Variants in UNC80 observed in about 807,000 individuals in gnomAD.
UNC80 encodes protein unc-80 homolog.
A neutral mutation model predicts 384.6 loss-of-function variants in UNC80; 164 were observed. The ratio of observed to expected loss-of-function variants is 0.43; its 90% CI spans 0.38 to 0.49. UNC80 has a LOEUF of 0.49. Among genes scored for constraint, UNC80 ranks in the 20% least tolerant of loss-of-function variants. The probability of loss-of-function intolerance (pLI) is 0.00; values close to 1 mark genes in which losing one functional copy is unlikely to be tolerated. For synonymous variants in UNC80, 1,486 were observed against 1,527.8 expected (o/e 0.97, Z 0.64); for missense variants, 3,330 against 4,143.0 (o/e 0.80, Z 5.39).
At chr2:209,833,461 A>C (rs2081138126) in intron 16 of UNC80, among the ~76,000 whole-genome samples, 1 of 152,164 alleles carries the variant, frequency 6.6e-6, no homozygotes, top group Non-Finnish European at 1.5e-5. Flanking sequence ...TTCATGTTCA[A>C]ATGGGCTACA....
At chr2:209,966,014 A>G (rs1021518465) in intron 51 of UNC80, among the ~76,000 whole-genome samples, 6 of 151,882 alleles carry the variant, frequency 4.0e-5, no homozygotes, top group Non-Finnish European at 7.4e-5. Flanking sequence ...AAAACTTTCC[A>G]TGTATGGCTG....
At chr2:209,943,347 G>A in intron 44 of UNC80, 33 bp from the exon 45 acceptor site, 1 of 1,550,342 alleles carries the variant, frequency 6.5e-7, no homozygotes, top group Non-Finnish European at 8.7e-7. Flanking sequence ...ACTTCATTAA[G>A]GCATTTTTTG....
At chr2:209,793,420 C>T (rs972897901) in intron 6 of UNC80, among the ~76,000 whole-genome samples, 1 of 152,024 alleles carries the variant, frequency 6.6e-6, no homozygotes, top group African/African-American at 2.4e-5. Context: ...GTGTAACTCT[C>T]CTATAGATAC....
rs1385044471 is a variant in UNC80 at position 209,965,500 on chromosome 2, C to T, written c.7806-1937C>T. Reference sequence around the variant, plus strand: ...TTTTTTTTTTAGACAGAGTCTTGCTCTGTCACCCAGGCTAGAGTGCAGTGG... The same window carrying T: ...TTTTTTTTTTAGACAGAGTCTTGCTTTGTCACCCAGGCTAGAGTGCAGTGG... On this transcript the variant is annotated intron_variant, in intron 51 of 64. Coordinates refer to ENST00000673920, the MANE Select transcript of UNC80 (RefSeq NM_001371986.1). Among the ~76,000 whole-genome samples the T allele has an allele frequency of 6.0e-5, 9 of 151,134 alleles. No homozygotes were observed. In the South Asian group the frequency reaches 6.3e-4, roughly 10 times the overall value.
Position 209,849,466 on chromosome 2 carries a change from A to G in UNC80, c.3470A>G (p.Asp1157Gly), listed in dbSNP as rs2082374193. ...FFKRLGCHSF[D>G]DHLSPNQDGG... ...ACCTTTACAGGTTGCCACAGTTTTG[A>G]TGATCATCTCTCTCCCAACCAAGAT... The change falls in exon 22 of 65, where the codon GAT becomes GGT. Residue 1157 changes from aspartate (D) to glycine (G), a missense_variant. Physicochemically the swap from Asp to Gly is moderately conservative, Grantham distance 94. Around this residue, in one of 8 missense-constraint regions of UNC80, gnomAD observed 801 missense variants for 950.8 expected, o/e 0.84. Transcript: ENST00000673920. 6.4e-7 allele frequency: 1 copy of G among 1,550,852 alleles called. No homozygotes were observed. The highest frequency in any genetic ancestry group is 1.4e-5 in the African/African-American group (1 of 73,068).
intron 7 of UNC80, among the ~76,000 whole-genome samples, chr2:209,809,972 G>C (rs1346336756): frequency 6.6e-6 from 1 of 152,126 alleles, no homozygotes; most frequent in African/African-American, 2.4e-5. Context: ...CCCAGTCAGG[G>C]GACCCTCCCC....
intron 27 of UNC80, 70 bp from the exon 28 acceptor site, chr2:209,896,243 C>G: frequency 7.3e-7 from 1 of 1,367,326 alleles, no homozygotes; most frequent in Non-Finnish European, 1.0e-6. Context: ...GCATGGACAA[C>G]TGTACCATAC....
chr2:209,808,718 G>T (rs1040845339), intron 7 of UNC80: 2 of 226,002 alleles, frequency 8.8e-6, no homozygotes, highest in South Asian at 5.4e-5. Flanking sequence ...CGGAGCGGCT[G>T]CACTCATTGC....
At chr2:209,778,719 G>A (rs1026872148) in intron 4 of UNC80, among the ~76,000 whole-genome samples, 10 of 152,248 alleles carry the variant, frequency 6.6e-5, no homozygotes, top group Admixed American at 3.3e-4. Flanking sequence ...AGAACTATTC[G>A]TTACTTCTGT....
intron 22 of UNC80, among the ~76,000 whole-genome samples, chr2:209,863,964 G>A (rs9973465): frequency 0.16 from 24,465 of 151,708 alleles, 2,594 homozygotes; most frequent in African/African-American, 0.29. Context: ...TCTCATCTTC[G>A]TGAGTTTGTC....
intron 47 of UNC80, among the ~76,000 whole-genome samples, chr2:209,949,238 A>G (rs1413102433): frequency 1.3e-5 from 2 of 152,208 alleles, no homozygotes; most frequent in African/African-American, 2.4e-5. Context: ...AGGTAGCTCT[A>G]TGTCATTCAA....
In UNC80 at chr2:209,973,171, T is replaced by C; in HGVS notation, c.8488T>C (p.Leu2830=). 1 of 1,551,648 alleles carries C rather than the reference T, an allele frequency of 6.4e-7. No individual in the cohort carries two copies. Among genetic ancestry groups the C allele is most frequent in the Non-Finnish European group, 8.7e-7 (1 of 1,147,000 alleles). ...ISTSRSKNFM[L]ESSPAHCSTP... is the part of the protein sequence containing the mutation. ...CACATCCAGGAGCAAGAACTTCATGTTAGAGAGCTCCCCAGCCCACTGCTC... is the reference window on the plus strand; with the variant it reads ...CACATCCAGGAGCAAGAACTTCATGCTAGAGAGCTCCCCAGCCCACTGCTC... Residue 2830 remains leucine, a synonymous_variant, in exon 56 of 65, where the codon TTA becomes CTA. Coordinates refer to ENST00000673920, the MANE Select transcript of UNC80 (RefSeq NM_001371986.1).
rs1233287874 is a variant in UNC80 at position 209,976,777 on chromosome 2, C to T, written c.8773-136C>T. On this transcript the variant is annotated intron_variant, in intron 57 of 64. Transcript: ENST00000673920. This position sits in a 1 kb window ranked among gnomAD's most constrained non-coding sequence, Gnocchi z 4.3. The stretch of plus-strand genomic sequence containing the variant: ...AAAACGATGTAATTATTAAGCACTT[C>T]CTGTGTAAAGTGCCGTTCTAGGAAC... 3.1e-6 allele frequency: 3 copies of T among 978,330 alleles called. No homozygotes were observed. The highest frequency in any genetic ancestry group is 4.4e-6 in the Non-Finnish European group (3 of 686,684). 60.6% of individuals were successfully genotyped at this position (978,330 alleles called of 1,614,324 possible). A position where few individuals can be genotyped will look rare whatever the true frequency, so the allele number is the denominator to read the frequency against.
intron 29 of UNC80, among the ~76,000 whole-genome samples, chr2:209,905,624 C>T (rs1052935986): frequency 2.0e-5 from 3 of 152,136 alleles, no homozygotes; most frequent in Non-Finnish European, 4.4e-5. Context: ...TCATTTTAAG[C>T]TATGAAGGTT....
chr2:209,788,339 C>T (rs1381875618), intron 5 of UNC80, among the ~76,000 whole-genome samples: 1 of 151,458 alleles, frequency 6.6e-6, no homozygotes, highest in Admixed American at 6.6e-5. Context: ...ATCGCTTGAA[C>T]CTGGGAGGTG....
At chr2:209,956,445 G>A (rs1392865035) in intron 48 of UNC80, among the ~76,000 whole-genome samples, 3 of 152,134 alleles carry the variant, frequency 2.0e-5, no homozygotes, top group Admixed American at 2.0e-4. Flanking sequence ...CTTTAGGTCT[G>A]AGGTCCCATT....
intron 22 of UNC80, among the ~76,000 whole-genome samples, chr2:209,865,222 T>A (rs1325209138): frequency 2.0e-5 from 3 of 146,502 alleles, no homozygotes; most frequent in South Asian, 4.4e-4. Context: ...GATTCACACG[T>A]TTATTATGTT....
rs1005606432 is a variant in UNC80 at position 209,878,017 on chromosome 2, G to C, written c.3904G>C (p.Gly1302Arg). 30 of 1,546,014 alleles carry C rather than the reference G, an allele frequency of 1.9e-5. No homozygotes were observed. The Admixed American group carries it at 3.4e-4, about 17-fold the overall frequency. Residue 1302 changes from glycine (G) to arginine (R), a missense_variant, in exon 24 of 65, where the codon GGT becomes CGT. Physicochemically the swap from Gly to Arg is moderately radical, Grantham distance 125 (BLOSUM62 -2). Around this residue, in one of 8 missense-constraint regions of UNC80, gnomAD observed 801 missense variants for 950.8 expected, o/e 0.84. Coordinates refer to ENST00000673920, the MANE Select transcript of UNC80 (RefSeq NM_001371986.1). ...AAGTGAGAGCCCAGCCAACCTGCTG[G>C]GTCTCATTTACGATGAAGAGACCAA... ...GESESPANLL[G>R]LIYDEETKRR...
At chr2:209,907,995 T>C (rs1464041390) in intron 29 of UNC80, among the ~76,000 whole-genome samples, 1 of 152,228 alleles carries the variant, frequency 6.6e-6, no homozygotes, top group Non-Finnish European at 1.5e-5. Flanking sequence ...TAACATATTG[T>C]AATTAGTCAT....
Sources: gnomAD v4.1 joint callset for allele counts (sites outside exome capture counted in the v4.1 genomes callset) on GRCh38, gnomAD v4.1.1 for gene constraint, gnomAD v4.1.1 regional missense constraint, Gnocchi (gnomAD v3.1) non-coding constraint, MANE v1.5 for transcripts, NCBI Gene and HGNC (gene_info 2026-07-23, HGNC 2026-07-21) for gene names.